The following ZNF12 variants were observed in gnomAD, a reference collection of about 807,000 sequenced individuals.
ZNF12 encodes the protein gonadotropin inducible transcription repressor 3.
ZNF12 carries 34 observed loss-of-function variants against 66.6 expected under a neutral mutation model. The observed-to-expected ratio is 0.51, with a 90% CI of 0.39 to 0.68. The LOEUF is 0.68. ZNF12 is among the 30% of genes least tolerant of loss of function. The pLI, the probability that ZNF12 is intolerant of heterozygous loss-of-function variation, is 0.00. For synonymous variants in ZNF12, 320 were observed against 278.9 expected (o/e 1.15, Z -1.47); for missense variants, 697 against 826.9 (o/e 0.84, Z 1.93).
chr7:6,692,251 C>T lies in ZNF12; in HGVS notation c.691G>A (p.Val231Ile), dbSNP rs181280746. ...TTTTCTTCCATGTGATTAACAAAAA[C>T]AGTGTCCTTTTGGAAGGCTTTCTGG... ...ECQKAFQKDT[V>I]FVNHMEEKPY... is the part of the protein sequence containing the mutation. Residue 231 changes from valine (V) to isoleucine (I), a missense_variant, in exon 5 of 5, where the codon GTT becomes ATT. By Grantham distance (29) the Val-to-Ile change is conservative (BLOSUM62 3). Transcript: ENST00000405858. The surrounding 1 kb of genome is among the most constrained non-coding windows in gnomAD (Gnocchi z 5.1). 1.2e-6 allele frequency: 2 copies of T among 1,613,812 alleles called. No individual in the cohort carries two copies. The highest frequency in any genetic ancestry group is 1.7e-6 in the Non-Finnish European group (2 of 1,179,790).
At position 6,692,601 on chromosome 7, in the gene ZNF12, C is replaced by T. The variant is rs929436887; in HGVS notation, c.341G>A (p.Gly114Asp). ...ATCAAAAGTTTTACCAGGAACATTA[C>T]CTCTCTCTTCAATCAGGGTCTCAAT... ...VFIETLIEER[G>D]NVPGKTFDVE... is the part of the protein sequence containing the mutation. Residue 114 changes from glycine (G) to aspartate (D), a missense_variant, in exon 5 of 5, where the codon GGT (glycine) becomes GAT (aspartate). Physicochemically the swap from Gly to Asp is moderately conservative, Grantham distance 94. Coordinates refer to ENST00000405858, the MANE Select transcript of ZNF12 (RefSeq NM_016265.4). This position sits in a 1 kb window ranked among gnomAD's most constrained non-coding sequence, Gnocchi z 5.1. The T allele has an allele frequency of 6.2e-7, 1 of 1,613,662 alleles. No homozygotes were observed. The highest frequency in any genetic ancestry group is 8.5e-7 in the Non-Finnish European group (1 of 1,179,814).
chr7:6,696,307 A>G lies in ZNF12; in HGVS notation c.238+1032T>C, dbSNP rs1043705178. ...GAATTTCAGTGGTTTCACAGGGACC[A>G]CTATAGAAGAAGAAGAGATTAGTAT... On this transcript the variant is annotated intron_variant, in intron 4 of 4. Transcript: ENST00000405858. This position sits in a 1 kb window ranked among gnomAD's most constrained non-coding sequence, Gnocchi z 4.0. Among the ~76,000 whole-genome samples, 1 of 149,934 alleles carries G rather than the reference A, an allele frequency of 6.7e-6. No homozygotes were observed. The highest frequency in any genetic ancestry group is 1.5e-5 in the Non-Finnish European group (1 of 66,634).
chr7:6,695,203 C>T (rs1411531736), intron 4 of ZNF12, among the ~76,000 whole-genome samples: 1 of 152,230 alleles, frequency 6.6e-6, no homozygotes, highest in African/African-American at 2.4e-5. Flanking sequence ...GCGTAAGCCA[C>T]CACGCCCAGC....
intron 2 of ZNF12, among the ~76,000 whole-genome samples, chr7:6,699,831 C>G (rs549689421): frequency 8.5e-5 from 13 of 152,152 alleles, no homozygotes; most frequent in African/African-American, 3.1e-4. Context: ...GTCATCAGCT[C>G]AGGAAAAGTC....
intron 2 of ZNF12, among the ~76,000 whole-genome samples, chr7:6,700,008 G>A (rs997356778): frequency 3.3e-5 from 5 of 151,704 alleles, no homozygotes; most frequent in African/African-American, 7.3e-5. Context: ...AGGGACGGCC[G>A]GGCGTGGTGG....
chr7:6,690,616 T>G lies in ZNF12; in HGVS notation c.*232A>C, dbSNP rs1780050259. 1.3e-5 allele frequency: 6 copies of G among 458,552 alleles called. No individual in the cohort carries two copies. The highest frequency in any genetic ancestry group is 3.6e-5 in the East Asian group (1 of 27,718). The allele number at this position is 458,552 out of a possible 1,614,324, so 28.4% of individuals were successfully genotyped here. A position where few individuals can be genotyped will look rare whatever the true frequency, so the allele number is the denominator to read the frequency against. ...CAATCCATGGTGACATGTATATACATTCTTAATATTTATAAATTTTTACTT... is the reference window on the plus strand; with the variant it reads ...CAATCCATGGTGACATGTATATACAGTCTTAATATTTATAAATTTTTACTT... On this transcript the variant is annotated 3_prime_UTR_variant, in exon 5 of 5. Transcript: ENST00000405858.
rs1780189751 is a variant in ZNF12 at position 6,698,765 on chromosome 7, C to T, written c.16-954G>A. On this transcript the variant is annotated intron_variant, in intron 2 of 4. Coordinates refer to ENST00000405858, the MANE Select transcript of ZNF12 (RefSeq NM_016265.4). This position sits in a 1 kb window ranked among gnomAD's most constrained non-coding sequence, Gnocchi z 4.4. ...TCCTGAGGAGGAACAGACAGCTGAC[C>T]TGGAAACTGTCAAAACCACATCTAT... Among the ~76,000 whole-genome samples, 1 of 152,156 alleles carries T rather than the reference C, an allele frequency of 6.6e-6. No homozygotes were observed. The highest frequency in any genetic ancestry group is 2.1e-4 in the South Asian group (1 of 4,828).
chr7:6,690,870 A>G lies in ZNF12; in HGVS notation c.2072T>C (p.Ile691Thr), dbSNP rs1780056293. ...ACTTCAGAGAAGCCTTCCCACATCT[A>G]TTACATTCATATTGCCTCTCCTATG... ...RIHRRGNMNV[I>T]DVGRLL The change falls in exon 5 of 5, where the codon ATA becomes ACA. Residue 691 changes from isoleucine (I) to threonine (T), a missense_variant. This residue lies in a region of ZNF12 where 401 missense variants were observed against 519.0 expected (regional missense o/e 0.77). Coordinates refer to ENST00000405858, the MANE Select transcript of ZNF12 (RefSeq NM_016265.4). 1 of 1,612,734 alleles carries G rather than the reference A, an allele frequency of 6.2e-7. No individual in the cohort carries two copies. The highest frequency in any genetic ancestry group is 8.5e-7 in the Non-Finnish European group (1 of 1,179,260).
intron 2 of ZNF12, among the ~76,000 whole-genome samples, chr7:6,700,314 C>CAA (rs1780218099): frequency 6.9e-6 from 1 of 144,568 alleles, no homozygotes; most frequent in African/African-American, 2.7e-5. Flanking sequence ...TACACACACA[C>CAA]ACACACACAC....
At chr7:6,694,216 A>G (rs1399285535) in intron 4 of ZNF12, among the ~76,000 whole-genome samples, 3 of 151,994 alleles carry the variant, frequency 2.0e-5, no homozygotes, top group Non-Finnish European at 4.4e-5. Context: ...CAGATCCCTT[A>G]CCATGCTCCT....
At position 6,700,305 on chromosome 7, in the gene ZNF12, A is replaced by ACC. The variant is rs1491290876; in HGVS notation, c.16-2495_16-2494insGG. On this transcript the variant is annotated intron_variant, in intron 2 of 4. Transcript: ENST00000405858. ...GTCTGAGAGGAAAAAAAAAAAATAT[A>ACC]CACACACACACACACACACACACAC... Among the ~76,000 whole-genome samples the ACC allele has an allele frequency of 6.3e-3, 421 of 66,778 alleles. 1 individual carries two copies. Among genetic ancestry groups the ACC allele is most frequent in the Non-Finnish European group, 9.7e-3 (335 of 34,640 alleles). The allele number at this position is 66,778 out of a possible 152,430, so 43.8% of individuals were successfully genotyped here.
chr7:6,702,538 A>C (rs1445784155), intron 2 of ZNF12, among the ~76,000 whole-genome samples: 3 of 26,160 alleles, frequency 1.1e-4, no homozygotes, highest in Non-Finnish European at 2.1e-4. Flanking sequence ...ACACACACAC[A>C]CACACACATG....
rs35825898 is a variant in ZNF12 at position 6,689,228 on chromosome 7, A to C, written c.*1620T>G. ...CAAGGCTGCTTGGTTTGGTGGCTCA[A>C]AGACATCATCCAGGTCTCAGGGTCT... On this transcript the variant is annotated 3_prime_UTR_variant, in exon 5 of 5. Transcript: ENST00000405858. 1 of 152,160 alleles carries C rather than the reference A, an allele frequency of 6.6e-6. No homozygotes were observed. The highest frequency in any genetic ancestry group is 1.5e-5 in the Non-Finnish European group (1 of 68,022). 9.4% of individuals were successfully genotyped at this position (152,160 alleles called of 1,614,324 possible). A position where few individuals can be genotyped will look rare whatever the true frequency, so the allele number is the denominator to read the frequency against.
chr7:6,694,955 G>C (rs1158275656), intron 4 of ZNF12, among the ~76,000 whole-genome samples: 1 of 152,046 alleles, frequency 6.6e-6, no homozygotes, highest in African/African-American at 2.4e-5. Flanking sequence ...ACGGAGTCTT[G>C]CTCTGTCACC....
At chr7:6,702,958 A>AACACACACAC (rs143823177) in intron 2 of ZNF12, among the ~76,000 whole-genome samples, 3 of 100,828 alleles carry the variant, frequency 3.0e-5, no homozygotes, top group African/African-American at 1.6e-4. Context: ...CGTGTCCCAA[A>AACACACACAC]ACACACACAC....
rs1483735445 is a variant in ZNF12, at chr7:6,706,931, C to G, written c.-550G>C. On this transcript the variant is annotated 5_prime_UTR_variant, in exon 1 of 5. Transcript: ENST00000405858. ...GGGCGAGCGGTGACCTGGGGACGCA[C>G]AGGAAGCGAGGGCACTGCGGCCGCG... is the stretch of plus-strand genomic sequence containing the variant. 1 of 411,310 alleles carries G rather than the reference C, an allele frequency of 2.4e-6. No homozygotes were observed. Among genetic ancestry groups the G allele is most frequent in the Non-Finnish European group, 4.8e-6 (1 of 207,278 alleles). 25.5% of individuals were successfully genotyped at this position (411,310 alleles called of 1,614,324 possible).
In ZNF12 at chr7:6,691,430, C is replaced by CT; in HGVS notation, c.1511dup (p.Leu505ValfsTer9). 6.2e-7 allele frequency: 1 copy of CT among 1,614,032 alleles called. No individual in the cohort carries two copies. Among genetic ancestry groups the CT allele is most frequent in the Non-Finnish European group, 8.5e-7 (1 of 1,179,948 alleles). The stretch of plus-strand genomic sequence containing the variant: ...TATGATGGATAGTGAGGTATGACAA[C>CT]TGGGAGAATAACTTTCCACATTCAT... On this transcript the variant is annotated frameshift_variant, in exon 5 of 5. Transcript: ENST00000405858. LOFTEE classifies it high-confidence loss of function.
Position 6,697,787 on chromosome 7 carries a change from C to A in ZNF12, c.40G>T (p.Ala14Ser). 1 of 1,614,178 alleles carries A rather than the reference C, an allele frequency of 6.2e-7. No individual in the cohort carries two copies. Among genetic ancestry groups the A allele is most frequent in the Non-Finnish European group, 8.5e-7 (1 of 1,180,028 alleles). Residue 14 changes from alanine to serine, a missense_variant, in exon 3 of 5, where the codon GCT becomes TCT. Around this residue, in one of 3 missense-constraint regions of ZNF12, gnomAD observed 55 missense variants for 83.9 expected, o/e 0.66. Transcript: ENST00000405858. This position sits in a 1 kb window ranked among gnomAD's most constrained non-coding sequence, Gnocchi z 6.1. ...CATTCCTCCTGGGTGAAGTCCACAGCCACGTCCTTGAATGACACTGGCCCC... is the reference window on the plus strand; with the variant it reads ...CATTCCTCCTGGGTGAAGTCCACAGACACGTCCTTGAATGACACTGGCCCC... ...SLGPVSFKDV[A>S]VDFTQEEWQQ...
Position 6,691,324 on chromosome 7 carries a change from G to A in ZNF12, c.1618C>T (p.Arg540Trp), listed in dbSNP as rs746630459. ...GGCTTCTCTCCTTTGTGTATTCTCC[G>A]ATGTCTACAAAGGGCTGAGTTCTGG... ...FYQNSALCRHRRIHKGEKPYE... is the reference protein window; with the variant it reads ...FYQNSALCRHWRIHKGEKPYE... The change falls in exon 5 of 5, where the codon CGG becomes TGG. Residue 540 changes from arginine to tryptophan, a missense_variant. Around this residue, in one of 3 missense-constraint regions of ZNF12, gnomAD observed 401 missense variants for 519.0 expected, o/e 0.77. Transcript: ENST00000405858. 1.7e-5 allele frequency: 28 copies of A among 1,613,828 alleles called. No individual in the cohort carries two copies. The highest frequency in any genetic ancestry group is 2.3e-5 in the Non-Finnish European group (27 of 1,179,904).
Sources: allele counts gnomAD v4.1 joint callset (sites outside exome capture counted in the v4.1 genomes callset), GRCh38; gene constraint gnomAD v4.1.1; regional missense constraint gnomAD v4.1.1; non-coding constraint Gnocchi (gnomAD v3.1); transcripts MANE v1.5; gene names NCBI Gene and HGNC (gene_info 2026-07-23, HGNC 2026-07-21).